PASD1: variants seen among roughly 807,000 people sequenced by gnomAD.
PASD1 encodes the protein PAS domain containing repressor 1.
Under a neutral mutation model 58.8 loss-of-function variants are expected in PASD1, and 13 were observed. The observed-to-expected ratio is 0.22, with a 90% CI of 0.14 to 0.35. The LOEUF (loss-of-function observed/expected upper bound fraction) is 0.35. PASD1 is among the 10% of genes least tolerant of loss of function. The pLI is 1.00. For synonymous variants in PASD1, 236 were observed against 216.7 expected, an observed-to-expected ratio of 1.09 and a Z score of -0.78; for missense variants, 734 against 568.3, an observed-to-expected ratio of 1.29 and a Z score of -2.96.
intron 8 of PASD1, among the ~76,000 whole-genome samples, chrX:151,643,698 C>G (rs1217441152): frequency 8.9e-6 from 1 of 112,053 alleles, no homozygotes; most frequent in Non-Finnish European, 1.9e-5. Flanking sequence ...TTTTACTACT[C>G]CCTAGTGGTG....
At chrX:151,626,353 G>C (rs1449367213) in intron 8 of PASD1, among the ~76,000 whole-genome samples, 1 of 111,684 alleles carries the variant, frequency 9.0e-6, no homozygotes, top group East Asian at 2.8e-4. Flanking sequence ...TTTCACGTGA[G>C]AAAAGTAAAA....
intron 1 of PASD1, among the ~76,000 whole-genome samples, chrX:151,582,105 G>A (rs1313432890): frequency 9.7e-6 from 1 of 103,228 alleles, no homozygotes; most frequent in African/African-American, 3.6e-5. Flanking sequence ...ACCTGCCTCA[G>A]CCTCCCGAAT....
intron 1 of PASD1, among the ~76,000 whole-genome samples, chrX:151,594,273 G>A (rs1316225478): frequency 1.8e-5 from 2 of 111,695 alleles, no homozygotes; most frequent in African/African-American, 6.5e-5. Context: ...GTGCCCGGCT[G>A]ATAATTTATA....
chrX:151,622,857 C>T, intron 6 of PASD1, 80 bp from the exon 7 acceptor site: 1 of 1,043,835 alleles, frequency 9.6e-7, no homozygotes. Flanking sequence ...TAGCAAACAG[C>T]ACATGGATGT....
chrX:151,648,514 A>G, intron 8 of PASD1, 101 bp from the exon 9 acceptor site: 1 of 806,124 alleles, frequency 1.2e-6, no homozygotes, highest in Admixed American at 2.6e-5. Flanking sequence ...GGAAAATAAA[A>G]CAAATAGTTT....
intron 1 of PASD1, among the ~76,000 whole-genome samples, chrX:151,564,253 T>G (rs1173935193): frequency 1.8e-5 from 2 of 112,640 alleles, no homozygotes; most frequent in Non-Finnish European, 3.8e-5. Flanking sequence ...CCGGCAGGTC[T>G]GGGGCGCGTC....
chrX:151,621,326 A>G (rs888607896), intron 5 of PASD1, among the ~76,000 whole-genome samples, 156 bp from the exon 6 acceptor site: 1 of 111,651 alleles, frequency 9.0e-6, no homozygotes, highest in African/African-American at 3.3e-5. Flanking sequence ...CTACTGATAC[A>G]ACATAGCTAG....
intron 4 of PASD1, among the ~76,000 whole-genome samples, chrX:151,616,440 C>G (rs758150890): frequency 1.0e-4 from 11 of 110,302 alleles, no homozygotes; most frequent in African/African-American, 3.6e-4. Context: ...TCATCATGAT[C>G]ATGGTATTAA....
At chrX:151,653,738 CTT>C (rs2014167643) in intron 9 of PASD1, among the ~76,000 whole-genome samples, 1 of 56,724 alleles carries the variant, frequency 1.8e-5, no homozygotes, top group African/African-American at 4.8e-5. Flanking sequence ...CTCTCTCTCT[CTT>C]TCTTTCCTTC....
chrX:151,606,288 A>G (rs1430267328), intron 3 of PASD1, among the ~76,000 whole-genome samples: 1 of 112,248 alleles, frequency 8.9e-6, no homozygotes, highest in Admixed American at 9.4e-5. Flanking sequence ...ATCTGAGAAG[A>G]GGGACAGTAG....
Position 151,664,103 on chromosome X carries a change from GT to G in PASD1, c.842-15del, listed in dbSNP as rs2014344857. On this transcript the variant is annotated splice_polypyrimidine_tract_variant and intron_variant, in intron 10 of 15. Coordinates refer to ENST00000370357, the MANE Select transcript of PASD1 (RefSeq NM_173493.3). ...TGCTTTTTAAGTCATGAACTCCCCTGTGCTTTCTTCCTCAGCCTTATCCTTG... is the reference window on the plus strand; with the variant it reads ...TGCTTTTTAAGTCATGAACTCCCCTGGCTTTCTTCCTCAGCCTTATCCTTG... 1 of 1,211,205 alleles carries G rather than the reference GT, an allele frequency of 8.3e-7. No individual in the cohort carries two copies. The highest frequency in any genetic ancestry group is 1.1e-6 in the Non-Finnish European group (1 of 895,235).
At chrX:151,617,560 T>C (rs1233070461) in intron 4 of PASD1, among the ~76,000 whole-genome samples, 1 of 105,730 alleles carries the variant, frequency 9.5e-6, no homozygotes, top group Non-Finnish European at 2.0e-5. Context: ...ATATTTAATC[T>C]GCCCTACTAG....
At chrX:151,590,979 T>C (rs955430651) in intron 1 of PASD1, among the ~76,000 whole-genome samples, 12 of 112,116 alleles carry the variant, frequency 1.1e-4, no homozygotes, top group Non-Finnish European at 1.9e-4. Flanking sequence ...AGGTCCCAGA[T>C]AGAACTCCTG....
intron 9 of PASD1, among the ~76,000 whole-genome samples, chrX:151,650,016 A>C (rs1298329722): frequency 8.9e-6 from 1 of 112,625 alleles, no homozygotes; most frequent in Non-Finnish European, 1.9e-5. Context: ...ATTCCGAATA[A>C]GTACCTCTGC....
chrX:151,592,553 T>A lies in PASD1; in HGVS notation c.-27-8974T>A, dbSNP rs371344234. On this transcript the variant is annotated intron_variant, in intron 1 of 15. Transcript: ENST00000370357. The stretch of plus-strand genomic sequence containing the variant: ...ATAAATTACAATTAGATTATTGAAG[T>A]TTTTGGAATTTAAAATTAATTTTTA... 5.3e-5 allele frequency among the ~76,000 whole-genome samples: 6 copies of A among 112,260 alleles called. No homozygotes were observed. The East Asian group carries it at 1.7e-3, about 31-fold the overall frequency.
At position 151,625,481 on chromosome X, in the gene PASD1, G is replaced by A. The variant is rs1396446456; in HGVS notation, c.580G>A (p.Ala194Thr). Residue 194 changes from alanine to threonine, a missense_variant, in exon 8 of 16, where the codon GCT (alanine) becomes ACT (threonine). Physicochemically the swap from Ala to Thr is moderately conservative, Grantham distance 58. Transcript: ENST00000370357. ...CACTTCAAAGGCAGTCAGTGATGAA[G>A]CTGTACTTACACAAGATTCAGATGA... ...LYTSKAVSDE[A>T]VLTQDSDEEP... 3.3e-6 allele frequency: 4 copies of A among 1,210,058 alleles called. No homozygotes were observed. Among genetic ancestry groups the A allele is most frequent in the South Asian group, 3.5e-5 (2 of 56,500 alleles).
intron 1 of PASD1, among the ~76,000 whole-genome samples, chrX:151,571,264 G>A (rs144109879): frequency 8.9e-6 from 1 of 111,996 alleles, no homozygotes; most frequent in Non-Finnish European, 1.9e-5. Flanking sequence ...TTGTCCTTTG[G>A]CATTATGCAA....
In PASD1 at chrX:151,670,911, G is replaced by A. The variant is rs111494214; in HGVS notation, c.1072-127G>A. The stretch of plus-strand genomic sequence containing the variant: ...TTTTTCAAACTTTCTAGTAATGAAT[G>A]AAATCAGGATTTGAGAGCTACCATT... On this transcript the variant is annotated intron_variant, in intron 11 of 15. Coordinates refer to ENST00000370357, the MANE Select transcript of PASD1 (RefSeq NM_173493.3). 3.4e-4 allele frequency: 266 copies of A among 786,046 alleles called. 1 individual carries two copies. In the African/African-American group the frequency reaches 4.9e-3, roughly 14 times the overall value. The allele number at this position is 786,046 out of a possible 1,213,427, so 64.8% of individuals were successfully genotyped here. A position where few individuals can be genotyped will look rare whatever the true frequency, so the allele number is the denominator to read the frequency against.
chrX:151,576,932 A>G (rs2124225928), intron 1 of PASD1, among the ~76,000 whole-genome samples: 1 of 112,285 alleles, frequency 8.9e-6, no homozygotes, highest in East Asian at 2.8e-4. Context: ...AGATTTATAA[A>G]TCTTAAGATA....
Sources: allele counts gnomAD v4.1 joint callset (sites outside exome capture counted in the v4.1 genomes callset), GRCh38; gene constraint gnomAD v4.1.1; transcripts MANE v1.5; gene names NCBI Gene and HGNC (gene_info 2026-07-23, HGNC 2026-07-21).